THSD7A: variants seen among roughly 807,000 people sequenced by gnomAD.
THSD7A encodes thrombospondin type 1 domain containing 7A, also known as thrombospondin type-1 domain-containing protein 7A.
A neutral mutation model predicts 231.3 loss-of-function variants in THSD7A; 96 were observed. That is an observed-to-expected ratio of 0.41 (90% CI 0.35 to 0.49). The LOEUF (loss-of-function observed/expected upper bound fraction) is 0.49. THSD7A is among the 20% of genes least tolerant of loss of function. THSD7A has a pLI of 0.05. For synonymous variants in THSD7A, 940 were observed against 743.3 expected (o/e 1.26, Z -4.30); for missense variants, 2,290 against 2,070.2 (o/e 1.11, Z -2.06).
intron 13 of THSD7A, among the ~76,000 whole-genome samples, chr7:11,438,943 T>C (rs537820730): frequency 6.6e-6 from 1 of 152,068 alleles, no homozygotes; most frequent in African/African-American, 2.4e-5. Flanking sequence ...TATATTTTAA[T>C]ATTTTGGCTG....
At chr7:11,725,838 T>C (rs961201600) in intron 1 of THSD7A, among the ~76,000 whole-genome samples, 3 of 152,028 alleles carry the variant, frequency 2.0e-5, no homozygotes, top group African/African-American at 7.2e-5. Context: ...AAGGGAATTA[T>C]TTATTCTCAG....
chr7:11,641,838 C>A (rs1317643420), intron 1 of THSD7A, among the ~76,000 whole-genome samples: 3 of 151,936 alleles, frequency 2.0e-5, no homozygotes, highest in African/African-American at 7.3e-5. Context: ...TTTCATTGCA[C>A]CTTGGGTATC....
At chr7:11,779,832 A>G (rs941082836) in intron 1 of THSD7A, among the ~76,000 whole-genome samples, 2 of 152,206 alleles carry the variant, frequency 1.3e-5, no homozygotes, top group Non-Finnish European at 2.9e-5. Flanking sequence ...TCTGTGATAT[A>G]TAGAAGGAAG....
chr7:11,797,180 C>CTT (rs1358351640), intron 1 of THSD7A, among the ~76,000 whole-genome samples: 1 of 151,956 alleles, frequency 6.6e-6, no homozygotes, highest in Non-Finnish European at 1.5e-5. Flanking sequence ...TGTTTATTTT[C>CTT]TTACCTTCTG....
chr7:11,377,633 T>C lies in THSD7A; in HGVS notation c.4802-976A>G, dbSNP rs1206435207. Among the ~76,000 whole-genome samples, 1 of 152,070 alleles carries C rather than the reference T, an allele frequency of 6.6e-6. No individual in the cohort carries two copies. Among genetic ancestry groups the C allele is most frequent in the Non-Finnish European group, 1.5e-5 (1 of 67,992 alleles). On this transcript the variant is annotated intron_variant, in intron 26 of 27. Coordinates refer to ENST00000423059, the MANE Select transcript of THSD7A (RefSeq NM_015204.3). The surrounding 1 kb of genome is among the most constrained non-coding windows in gnomAD (Gnocchi z 4.5). ...ACTCAATTAATATTCTAAATATCCT[T>C]TCTTTCTAATCCTAAAGCTTTCATT...
At chr7:11,688,943 G>A (rs1006632982) in intron 1 of THSD7A, among the ~76,000 whole-genome samples, 1 of 151,730 alleles carries the variant, frequency 6.6e-6, no homozygotes, top group African/African-American at 2.4e-5. Flanking sequence ...ATTGGGATTC[G>A]TACAGATAGA....
At chr7:11,751,428 G>A (rs1364461021) in intron 1 of THSD7A, 1 of 151,998 alleles carries the variant, frequency 6.6e-6, no homozygotes, top group Non-Finnish European at 1.5e-5. Flanking sequence ...GCCCCTCCCT[G>A]TTGTTCTGGT....
rs1327835202 is a variant in THSD7A at position 11,810,624 on chromosome 7, GAAGA to G, written c.190+21129_190+21132del. On this transcript the variant is annotated intron_variant, in intron 1 of 27. Coordinates refer to ENST00000423059, the MANE Select transcript of THSD7A (RefSeq NM_015204.3). ...ATGGGGAGAATAACTTTGCTAGAAA[GAAGA>G]AATAGCCAACACTTTGTCTTCACCT... Among the ~76,000 whole-genome samples the G allele has an allele frequency of 4.6e-5, 7 of 152,124 alleles. No homozygotes were observed. The East Asian group carries it at 1.2e-3, about 25-fold the overall frequency.
intron 1 of THSD7A, among the ~76,000 whole-genome samples, chr7:11,690,218 A>G (rs1316336753): frequency 6.6e-6 from 1 of 151,822 alleles, no homozygotes; most frequent in African/African-American, 2.4e-5. Context: ...AGCAAAGGAC[A>G]TATTCACCTT....
intron 2 of THSD7A, among the ~76,000 whole-genome samples, chr7:11,624,344 C>G (rs1288315026): frequency 6.6e-6 from 1 of 152,072 alleles, no homozygotes; most frequent in Non-Finnish European, 1.5e-5. Context: ...GAAGAAAAGG[C>G]CAGATTTTTC....
intron 1 of THSD7A, among the ~76,000 whole-genome samples, chr7:11,767,864 G>GTATC (rs911165158): frequency 6.6e-6 from 1 of 152,166 alleles, no homozygotes; most frequent in Non-Finnish European, 1.5e-5. Flanking sequence ...GCATAAAAGA[G>GTATC]TATCAGTCAG....
chr7:11,794,148 C>T (rs1178659622), intron 1 of THSD7A, among the ~76,000 whole-genome samples: 2 of 151,928 alleles, frequency 1.3e-5, no homozygotes, highest in African/African-American at 2.4e-5. Flanking sequence ...AATAAGTAAA[C>T]ATACAGGGCA....
chr7:11,682,437 G>A (rs115540900), intron 1 of THSD7A, among the ~76,000 whole-genome samples: 1 of 151,998 alleles, frequency 6.6e-6, no homozygotes, highest in Non-Finnish European at 1.5e-5. Context: ...AAACAAAAAA[G>A]AGCAGAGGTC....
intron 6 of THSD7A, among the ~76,000 whole-genome samples, chr7:11,527,983 T>A (rs983872026): frequency 6.6e-6 from 1 of 150,720 alleles, no homozygotes; most frequent in Non-Finnish European, 1.5e-5. Flanking sequence ...TAAGACTTTG[T>A]CCCTACAAAA....
rs1783419906 is a variant in THSD7A, at chr7:11,401,935, C to G, written c.4271G>C (p.Ser1424Thr). Residue 1424 changes from serine to threonine, a missense_variant, in exon 23 of 28, where the codon AGC becomes ACC. Physicochemically the swap from Ser to Thr is moderately conservative, Grantham distance 58. Transcript: ENST00000423059. ...ATTCACACAGGTCAGCTGACACAGG[C>G]TCCAGGAAGACCAGTCCTTCAAATA... is the stretch of plus-strand genomic sequence containing the variant. Reference protein sequence around the residue: ...DCYLKDWSSWSLCQLTCVNGE... With the variant: ...DCYLKDWSSWTLCQLTCVNGE... 13 of 1,613,510 alleles carry G rather than the reference C, an allele frequency of 8.1e-6. 1 individual carries two copies. In the East Asian group the frequency reaches 2.9e-4, roughly 36 times the overall value.
chr7:11,453,078 A>C (rs1048108123), intron 11 of THSD7A, among the ~76,000 whole-genome samples: 3 of 151,924 alleles, frequency 2.0e-5, no homozygotes, highest in Admixed American at 1.3e-4. Context: ...CTGCCAGGAT[A>C]AATTGGCCCA....
At chr7:11,678,372 C>A (rs1783727148) in intron 1 of THSD7A, among the ~76,000 whole-genome samples, 1 of 151,850 alleles carries the variant, frequency 6.6e-6, no homozygotes, top group East Asian at 1.9e-4. Flanking sequence ...GATAGAGACA[C>A]AAAAAACCCT....
chr7:11,702,065 A>G (rs1399376316), intron 1 of THSD7A, among the ~76,000 whole-genome samples: 1 of 151,188 alleles, frequency 6.6e-6, no homozygotes, highest in Non-Finnish European at 1.5e-5. Flanking sequence ...TCTATCTTCT[A>G]CTTCCATAGA....
intron 1 of THSD7A, among the ~76,000 whole-genome samples, chr7:11,830,100 A>T (rs1785150608): frequency 6.6e-6 from 1 of 152,242 alleles, no homozygotes; most frequent in Admixed American, 6.5e-5. Flanking sequence ...TAGGACTGGC[A>T]CTGGAATCAA....
Sources: allele counts gnomAD v4.1 joint callset (sites outside exome capture counted in the v4.1 genomes callset), GRCh38; gene constraint gnomAD v4.1.1; non-coding constraint Gnocchi (gnomAD v3.1); transcripts MANE v1.5; gene names NCBI Gene and HGNC (gene_info 2026-07-23, HGNC 2026-07-21).